Variants in STX8 observed in about 807,000 individuals in gnomAD.
STX8 encodes the protein syntaxin 8, also known as syntaxin-8.
STX8 carries 23 observed loss-of-function variants against 37.5 expected under a neutral mutation model. That is an observed-to-expected ratio of 0.61 (90% CI 0.44 to 0.87). The LOEUF is 0.87. STX8 is among the 40% of genes least tolerant of loss of function. STX8 has a pLI of 0.00. For missense variants in STX8, 313 were observed against 284.7 expected, an observed-to-expected ratio of 1.10 and a Z score of -0.71; for synonymous variants, 115 against 99.1, an observed-to-expected ratio of 1.16 and a Z score of -0.95.
intron 6 of STX8, among the ~76,000 whole-genome samples, chr17:9,419,161 G>A (rs976910191): frequency 8.6e-5 from 13 of 151,890 alleles, no homozygotes; most frequent in African/African-American, 3.1e-4. Flanking sequence ...TCTTGGCCCC[G>A]AGTGAGCCTC....
At chr17:9,504,523 CT>C (rs2142498781) in intron 5 of STX8, among the ~76,000 whole-genome samples, 1 of 152,242 alleles carries the variant, frequency 6.6e-6, no homozygotes, top group South Asian at 2.1e-4. Flanking sequence ...TCTCTCTGCT[CT>C]TGCCCAATGG....
At chr17:9,505,475 T>C (rs1469125214) in intron 4 of STX8, among the ~76,000 whole-genome samples, 2 of 152,186 alleles carry the variant, frequency 1.3e-5, no homozygotes, top group Non-Finnish European at 2.9e-5. Context: ...ATGAGGTTCT[T>C]AAATTTCAAA....
chr17:9,534,719 C>T lies in STX8; in HGVS notation c.323+10453G>A, dbSNP rs918927050. Among the ~76,000 whole-genome samples, 45 of 151,854 alleles carry T rather than the reference C, an allele frequency of 3.0e-4. 1 individual carries two copies. The highest frequency in any genetic ancestry group is 1.1e-3 in the African/African-American group (45 of 41,392). On this transcript the variant is annotated intron_variant, in intron 4 of 7. Coordinates refer to ENST00000306357, the MANE Select transcript of STX8 (RefSeq NM_004853.3). ...AGGAAAATTGCTTGAACCCAGGAGG[C>T]GGAGGTTGCAGTCAGCCGAGATTGC... is the stretch of plus-strand genomic sequence containing the variant.
intron 6 of STX8, among the ~76,000 whole-genome samples, chr17:9,421,825 G>A (rs567447850): frequency 6.6e-6 from 1 of 152,068 alleles, no homozygotes; most frequent in Non-Finnish European, 1.5e-5. Flanking sequence ...CATGTTGAAG[G>A]AGGGGCCTGT....
intron 1 of STX8, among the ~76,000 whole-genome samples, chr17:9,574,274 CAAA>C (rs1174966132): frequency 1.2e-5 from 1 of 86,938 alleles, no homozygotes; most frequent in Non-Finnish European, 2.4e-5. Flanking sequence ...GACTCCGTCT[CAAA>C]AAAAAAAAAA....
rs543979900 is a variant in STX8 at position 9,375,003 on chromosome 17, G to C, written c.643+3549C>G. On this transcript the variant is annotated intron_variant, in intron 7 of 7. Transcript: ENST00000306357. ...CACTTGAACCTGGGAGGCAGAGGTTGCAGTGAGCTGAGATTGTGCCACTGC... is the reference window on the plus strand; with the variant it reads ...CACTTGAACCTGGGAGGCAGAGGTTCCAGTGAGCTGAGATTGTGCCACTGC... Among the ~76,000 whole-genome samples the C allele has an allele frequency of 1.1e-3, 164 of 146,380 alleles. 1 individual carries two copies. The highest frequency in any genetic ancestry group is 4.0e-3 in the African/African-American group (157 of 39,494).
chr17:9,477,696 A>G (rs1906161277), intron 6 of STX8, among the ~76,000 whole-genome samples: 1 of 152,258 alleles, frequency 6.6e-6, no homozygotes, highest in Non-Finnish European at 1.5e-5. Context: ...AAAACAGAAG[A>G]TGAAGAGTTT....
chr17:9,389,632 G>A (rs1912140439), intron 6 of STX8, among the ~76,000 whole-genome samples: 1 of 151,570 alleles, frequency 6.6e-6, no homozygotes, highest in Non-Finnish European at 1.5e-5. Context: ...TATATATAGG[G>A]AGAGAGTTTG....
rs532566996 is a variant in STX8 at position 9,446,626 on chromosome 17, G to A, written c.541+45203C>T. ...GAATAAATAAGTAGTAGTTAATGATGAGGAGAAGCAACAGTTTTTTTGGCA... is the reference window on the plus strand; with the variant it reads ...GAATAAATAAGTAGTAGTTAATGATAAGGAGAAGCAACAGTTTTTTTGGCA... On this transcript the variant is annotated intron_variant, in intron 6 of 7. Coordinates refer to ENST00000306357, the MANE Select transcript of STX8 (RefSeq NM_004853.3). Among the ~76,000 whole-genome samples, 4 of 152,320 alleles carry A rather than the reference G, an allele frequency of 2.6e-5. No homozygotes were observed. In the East Asian group the frequency reaches 5.8e-4, roughly 22 times the overall value.
chr17:9,470,353 T>C (rs1039212954), intron 6 of STX8, among the ~76,000 whole-genome samples: 2 of 152,224 alleles, frequency 1.3e-5, no homozygotes, highest in Non-Finnish European at 2.9e-5. Context: ...AAGCACTTGG[T>C]TCTAATCAGA....
intron 7 of STX8, among the ~76,000 whole-genome samples, chr17:9,268,152 A>G (rs1907297939): frequency 6.6e-6 from 1 of 152,130 alleles, no homozygotes; most frequent in South Asian, 2.1e-4. Context: ...TGCTGCAGTG[A>G]GATGCTTAAT....
chr17:9,335,212 T>C, intron 7 of STX8, among the ~76,000 whole-genome samples: 1 of 152,236 alleles, frequency 6.6e-6, no homozygotes, highest in East Asian at 1.9e-4. Context: ...AGGGGTTACC[T>C]GCGTCAGGAA....
At chr17:9,545,862 G>A (rs1433970820) in intron 3 of STX8, among the ~76,000 whole-genome samples, 3 of 152,206 alleles carry the variant, frequency 2.0e-5, no homozygotes, top group African/African-American at 2.4e-5. Flanking sequence ...ATTACAAGGC[G>A]TGAGTCACCA....
In STX8 at chr17:9,507,700, G is replaced by A. The variant is rs546460778; in HGVS notation, c.324-2538C>T. On this transcript the variant is annotated intron_variant, in intron 4 of 7. Transcript: ENST00000306357. The surrounding 1 kb of genome is among the most constrained non-coding windows in gnomAD (Gnocchi z 4.0). ...AAGTTGGACAACCCACCATGTGAAC[G>A]CATGCATCGCTGACCTGACAAATAG... Among the ~76,000 whole-genome samples the A allele has an allele frequency of 7.9e-4, 121 of 152,260 alleles. No homozygotes were observed. The highest frequency in any genetic ancestry group is 2.8e-3 in the African/African-American group (115 of 41,558).
intron 4 of STX8, among the ~76,000 whole-genome samples, chr17:9,533,285 T>C (rs1905891360): frequency 1.3e-5 from 2 of 152,088 alleles, no homozygotes; most frequent in African/African-American, 4.8e-5. Flanking sequence ...CTGGCCAACA[T>C]GGTCAAACCC....
At chr17:9,486,703 G>C (rs550711619) in intron 6 of STX8, among the ~76,000 whole-genome samples, 4 of 152,038 alleles carry the variant, frequency 2.6e-5, no homozygotes, top group Non-Finnish European at 5.9e-5. Context: ...CAAAAAATAA[G>C]TTAAAATTAG....
intron 7 of STX8, among the ~76,000 whole-genome samples, chr17:9,331,528 A>G (rs1909961332): frequency 6.6e-6 from 1 of 152,178 alleles, no homozygotes; most frequent in African/African-American, 2.4e-5. Context: ...GCTGGGATGA[A>G]TACTAAAGCA....
At chr17:9,426,337 G>A (rs62067156) in intron 6 of STX8, among the ~76,000 whole-genome samples, 78,505 of 151,556 alleles carry the variant, frequency 0.52, 21,034 homozygotes, top group African/African-American at 0.63. Context: ...GACCAGCCTG[G>A]CCAACATGGC....
At chr17:9,340,838 G>T (rs1326434611) in intron 7 of STX8, among the ~76,000 whole-genome samples, 2 of 150,108 alleles carry the variant, frequency 1.3e-5, no homozygotes, top group Non-Finnish European at 3.0e-5. Context: ...TGTATTTTTA[G>T]TAGAGACGGG....
Sources: allele counts gnomAD v4.1 joint callset (sites outside exome capture counted in the v4.1 genomes callset), GRCh38; gene constraint gnomAD v4.1.1; non-coding constraint Gnocchi (gnomAD v3.1); transcripts MANE v1.5; gene names NCBI Gene and HGNC (gene_info 2026-07-23, HGNC 2026-07-21).